Variants in ADCY10 observed in about 807,000 individuals in gnomAD.
ADCY10 encodes the protein adenylate cyclase type 10.
Under a neutral mutation model 183.3 loss-of-function variants are expected in ADCY10, and 156 were observed. The ratio of observed to expected loss-of-function variants is 0.85; its 90% CI spans 0.75 to 0.97. The LOEUF (loss-of-function observed/expected upper bound fraction) is 0.97. Among genes scored for constraint, ADCY10 ranks in the 50% least tolerant of loss-of-function variants. ADCY10 has a pLI of 0.00. For missense variants in ADCY10, 1,745 were observed against 1,934.3 expected (o/e 0.90, Z 1.84); for synonymous variants, 645 against 670.0 (o/e 0.96, Z 0.58).
At chr1:167,867,040 C>A (rs1666749775) in intron 14 of ADCY10, among the ~76,000 whole-genome samples, 1 of 152,226 alleles carries the variant, frequency 6.6e-6, no homozygotes, top group Non-Finnish European at 1.5e-5. Flanking sequence ...GCTAGACTAA[C>A]TAGATACCAA....
intron 28 of ADCY10, 37 bp from the exon 29 acceptor site, chr1:167,823,160 G>T (rs1408512909): frequency 6.4e-7 from 1 of 1,570,644 alleles, no homozygotes. Flanking sequence ...TTAAAAAGTG[G>T]TGGATATTGT....
At chr1:167,856,087 A>T in intron 17 of ADCY10, 78 bp downstream of exon 17, 1 of 1,515,436 alleles carries the variant, frequency 6.6e-7, no homozygotes, top group Non-Finnish European at 9.1e-7. Context: ...CAAGACACAT[A>T]CTAAGAAATC....
Position 167,901,780 on chromosome 1 carries a change from C to T in ADCY10, c.318G>A (p.Arg106=), listed in dbSNP as rs773349911. The T allele has an allele frequency of 3.5e-5, 56 of 1,614,062 alleles. No homozygotes were observed. Among genetic ancestry groups the T allele is most frequent in the Non-Finnish European group, 4.2e-5 (50 of 1,180,036 alleles). Residue 106 remains arginine, a synonymous_variant, in exon 5 of 33, where the codon AGG becomes AGA. Coordinates refer to ENST00000367851, the MANE Select transcript of ADCY10 (RefSeq NM_018417.6). ...TGTTTTTCAGCTGCTTTCGCTCCACCCTCCACAGGGCTAGCAGTGCATCAC... is the reference window on the plus strand; with the variant it reads ...TGTTTTTCAGCTGCTTTCGCTCCACTCTCCACAGGGCTAGCAGTGCATCAC... ...FAGDALLALW[R]VERKQLKNII...
chr1:167,883,316 G>T (rs1667997109), intron 9 of ADCY10, 121 bp downstream of exon 9: 5 of 1,104,850 alleles, frequency 4.5e-6, no homozygotes, highest in Non-Finnish European at 5.5e-6. Flanking sequence ...GGGATTACAG[G>T]CGTGAGCCAC....
chr1:167,844,273 G>T (rs774894796), intron 21 of ADCY10, among the ~76,000 whole-genome samples: 2 of 152,146 alleles, frequency 1.3e-5, no homozygotes, highest in Non-Finnish European at 2.9e-5. Context: ...AGCTCTCAGA[G>T]GACTAAAAAT....
At chr1:167,811,547 A>G (rs1219214464) in intron 31 of ADCY10, among the ~76,000 whole-genome samples, 1 of 152,246 alleles carries the variant, frequency 6.6e-6, no homozygotes, top group African/African-American at 2.4e-5. Flanking sequence ...AGATCGTGCC[A>G]CTGCACTCCA....
intron 18 of ADCY10, among the ~76,000 whole-genome samples, chr1:167,853,094 T>G (rs1051032572): frequency 1.3e-5 from 2 of 152,212 alleles, no homozygotes; most frequent in Admixed American, 1.3e-4. Context: ...TGCACCGTAT[T>G]CACCTCATCA....
At chr1:167,832,828 G>A (rs1422666405) in intron 25 of ADCY10, among the ~76,000 whole-genome samples, 159 bp downstream of exon 25, 3 of 152,208 alleles carry the variant, frequency 2.0e-5, no homozygotes, top group South Asian at 2.1e-4. Flanking sequence ...TGGTATGGGA[G>A]CACCTCCCAC....
At chr1:167,875,290 T>C in intron 12 of ADCY10, 104 bp from the exon 13 acceptor site, 1 of 1,162,528 alleles carries the variant, frequency 8.6e-7, no homozygotes, top group Non-Finnish European at 1.3e-6. Context: ...TCTCAATTGC[T>C]AACAAGAGTC....
chr1:167,870,326 C>A lies in ADCY10; in HGVS notation c.1547G>T (p.Gly516Val), dbSNP rs990547786. 8.1e-6 allele frequency: 13 copies of A among 1,613,928 alleles called. No individual in the cohort carries two copies. Among genetic ancestry groups the A allele is most frequent in the Non-Finnish European group, 1.1e-5 (13 of 1,179,930 alleles). ...SNSSQVLMYE[G>V]LPGYGKSQIL... ...CTGGCTTTTTCCATATCCTGGTAAT[C>A]CCTCATACATTAAGACTTGGCTGCT... Residue 516 changes from glycine to valine, a missense_variant, in exon 14 of 33, where the codon GGA becomes GTA. Transcript: ENST00000367851.
chr1:167,852,143 TTAAAAAGCTCA>T (rs1344284868), intron 18 of ADCY10, among the ~76,000 whole-genome samples: 5 of 152,214 alleles, frequency 3.3e-5, no homozygotes, highest in African/African-American at 1.2e-4. Context: ...TGATTGTGTT[TTAAAAAGCTCA>T]TAACAGGGCC....
chr1:167,863,493 C>T lies in ADCY10; in HGVS notation c.1617-2430G>A, dbSNP rs970191496. 4.0e-5 allele frequency among the ~76,000 whole-genome samples: 6 copies of T among 151,838 alleles called. No individual in the cohort carries two copies. In the East Asian group the frequency reaches 7.8e-4, roughly 20 times the overall value. ...CTCGGATTTTGAGACGCTAGCCTGC[C>T]GATTCTCCCAGCTGATTAAAGCCAC... On this transcript the variant is annotated intron_variant, in intron 14 of 32. Coordinates refer to ENST00000367851, the MANE Select transcript of ADCY10 (RefSeq NM_018417.6).
chr1:167,867,315 C>T (rs1666776114), intron 14 of ADCY10, among the ~76,000 whole-genome samples: 1 of 152,148 alleles, frequency 6.6e-6, no homozygotes, highest in Non-Finnish European at 1.5e-5. Context: ...GCTGACTGGT[C>T]CACGCACGGC....
intron 31 of ADCY10, among the ~76,000 whole-genome samples, chr1:167,816,996 A>C (rs1662570964): frequency 6.6e-6 from 1 of 152,200 alleles, no homozygotes; most frequent in African/African-American, 2.4e-5. Flanking sequence ...TACTTATGTA[A>C]ATACATCTCC....
At chr1:167,903,075 T>TA (rs1288485047) in intron 3 of ADCY10, among the ~76,000 whole-genome samples, 2 of 151,456 alleles carry the variant, frequency 1.3e-5, no homozygotes, top group Admixed American at 6.6e-5. Context: ...GCCAACATGG[T>TA]AAAACCCTAT....
At chr1:167,898,947 C>A (rs1427520905) in intron 6 of ADCY10, among the ~76,000 whole-genome samples, 1 of 152,150 alleles carries the variant, frequency 6.6e-6, no homozygotes, top group Non-Finnish European at 1.5e-5. Context: ...ATGTTTTCTA[C>A]TAGGCAGAGC....
intron 9 of ADCY10, among the ~76,000 whole-genome samples, chr1:167,882,541 C>T (rs1319441074): frequency 2.0e-5 from 3 of 151,204 alleles, no homozygotes; most frequent in African/African-American, 7.3e-5. Context: ...AGAGGCAGTC[C>T]CCTCCCTGCC....
At chr1:167,901,009 A>G (rs750209923) in intron 5 of ADCY10, among the ~76,000 whole-genome samples, 5 of 152,208 alleles carry the variant, frequency 3.3e-5, no homozygotes, top group Admixed American at 6.5e-5. Context: ...TCTGTTACTC[A>G]TTACTTATAC....
intron 14 of ADCY10, among the ~76,000 whole-genome samples, chr1:167,867,053 C>T (rs1227260257): frequency 1.3e-5 from 2 of 152,232 alleles, no homozygotes; most frequent in African/African-American, 2.4e-5. Context: ...GATACCAAAG[C>T]TTGCTCTGTG....
Sources: allele counts gnomAD v4.1 joint callset (sites outside exome capture counted in the v4.1 genomes callset), GRCh38; gene constraint gnomAD v4.1.1; transcripts MANE v1.5; gene names NCBI Gene and HGNC (gene_info 2026-07-23, HGNC 2026-07-21).